Variants in PCF11 observed in about 807,000 individuals in gnomAD.
The protein encoded by PCF11 is pre-mRNA cleavage complex 2 protein Pcf11.
Under a neutral mutation model 166.1 loss-of-function variants are expected in PCF11, and 19 were observed. The observed-to-expected ratio is 0.11, with a 90% CI of 0.08 to 0.17. The LOEUF (loss-of-function observed/expected upper bound fraction) is 0.17. PCF11 is among the 10% of genes least tolerant of loss of function. PCF11 has a pLI of 1.00. For missense variants in PCF11, 1,565 were observed against 1,855.5 expected (o/e 0.84, Z 2.88); for synonymous variants, 663 against 644.1 (o/e 1.03, Z -0.44).
chr11:83,177,092 C>T, exon 10 of PCF11: 1 of 1,525,926 alleles, frequency 6.6e-7, no homozygotes, highest in South Asian at 1.3e-5. Flanking sequence ...TAGGAGCCCT[C>T]CCTAAGGCAT....
chr11:83,184,473 C>G, intron 15 of PCF11: 4 of 515,884 alleles, frequency 7.8e-6, no homozygotes, highest in Non-Finnish European at 1.3e-5. Flanking sequence ...AACTGCTTAA[C>G]TCACTGCTGA....
At chr11:83,168,001 ATTT>A in intron 7 of PCF11, 103 bp downstream of exon 7, 5 of 897,804 alleles carry the variant, frequency 5.6e-6, no homozygotes, top group Non-Finnish European at 7.4e-6. Flanking sequence ...TCAGATTACC[ATTT>A]TTTTTCCCAT....
rs777274124 is a variant in PCF11 at position 83,167,432 on chromosome 11, A to T, written c.2019A>T (p.Ala673=). ...CTATACAGACGAGTGAACGTTTAGC[A>T]TCTGGTGAAATTACACAGGATGACT... is the stretch of plus-strand genomic sequence containing the variant. Residue 673 remains alanine, a synonymous_variant, in exon 7 of 16, where the codon GCA becomes GCT. Transcript: ENST00000298281. The surrounding 1 kb of genome is among the most constrained non-coding windows in gnomAD (Gnocchi z 4.2). 2 of 1,601,134 alleles carry T rather than the reference A, an allele frequency of 1.2e-6. No individual in the cohort carries two copies. Among genetic ancestry groups the T allele is most frequent in the Non-Finnish European group, 1.7e-6 (2 of 1,175,646 alleles).
At chr11:83,160,922 G>T (rs1349835028) in intron 1 of PCF11, among the ~76,000 whole-genome samples, 1 of 152,136 alleles carries the variant, frequency 6.6e-6, no homozygotes, top group African/African-American at 2.4e-5. Context: ...TTCTACAAGA[G>T]GTCTAAAAAC....
chr11:83,173,630 T>C lies in PCF11; in HGVS notation c.3757+1716T>C, dbSNP rs1860767102. Among the ~76,000 whole-genome samples, 3 of 151,772 alleles carry C rather than the reference T, an allele frequency of 2.0e-5. No homozygotes were observed. In the South Asian group the frequency reaches 6.2e-4, roughly 32 times the overall value. ...GTATTTTCCTTTAGAACTCAGTTTT[T>C]ATTGTTGAGCAGAGGATTTGTTATA... On this transcript the variant is annotated intron_variant, in intron 9 of 15. Coordinates refer to ENST00000298281, the Ensembl canonical transcript of PCF11.
chr11:83,177,034 C>T, intron 9 of PCF11, 51 bp from the exon 10 acceptor site: 3 of 1,329,060 alleles, frequency 2.3e-6, no homozygotes, highest in Non-Finnish European at 2.9e-6. Context: ...TCTTTAAGTT[C>T]TACATTCACT....
At chr11:83,169,417 G>A (rs533403992) in exon 8 of PCF11, 2 of 1,613,790 alleles carry the variant, frequency 1.2e-6, no homozygotes, top group East Asian at 2.2e-5. Flanking sequence ...GGGTCAAGGT[G>A]GTCCAAGATT....
In PCF11 at chr11:83,161,463, A is replaced by C. The variant is rs778507277; in HGVS notation, c.318+11A>C. 4 of 1,533,016 alleles carry C rather than the reference A, an allele frequency of 2.6e-6. No homozygotes were observed. In the African/African-American group the frequency reaches 5.6e-5, roughly 22 times the overall value. The allele number at this position is 1,533,016 out of a possible 1,614,324, so 95.0% of individuals were successfully genotyped here. A position where few individuals can be genotyped will look rare whatever the true frequency, so the allele number is the denominator to read the frequency against. On this transcript the variant is annotated intron_variant, in intron 2 of 15. Coordinates refer to ENST00000298281, the Ensembl canonical transcript of PCF11. The stretch of plus-strand genomic sequence containing the variant: ...TGTGTGTTTGAAAAGGTACATATGC[A>C]TTTAGAAACATTTGCGTTTTTTTTT...
intron 11 of PCF11, 59 bp from the exon 12 acceptor site, chr11:83,180,949 C>T (rs1204554091): frequency 2.1e-6 from 2 of 947,072 alleles, no homozygotes; most frequent in Non-Finnish European, 3.1e-6. Context: ...TTGTAATTGG[C>T]TTTTAAAGGC....
At chr11:83,172,427 AT>A (rs1860720044) in intron 9 of PCF11, among the ~76,000 whole-genome samples, 1 of 151,868 alleles carries the variant, frequency 6.6e-6, no homozygotes, top group South Asian at 2.1e-4. Flanking sequence ...AGTTTTATTT[AT>A]TTATTTATTT....
At chr11:83,157,346 G>T in exon 1 of PCF11, 1 of 1,165,986 alleles carries the variant, frequency 8.6e-7, no homozygotes. Context: ...CCGCGAGAGA[G>T]CCGGGGAGAG....
chr11:83,169,122 G>A (rs1485263357), exon 8 of PCF11: 1 of 1,613,694 alleles, frequency 6.2e-7, no homozygotes, highest in South Asian at 1.1e-5. Flanking sequence ...CTGCGATTAG[G>A]TTTGATGGAC....
At chr11:83,183,118 A>G (rs1425209339) in intron 15 of PCF11, 45 bp downstream of exon 15, 1 of 1,165,748 alleles carries the variant, frequency 8.6e-7, no homozygotes, top group Non-Finnish European at 1.2e-6. Context: ...TTGCATTAAT[A>G]AATTTTACTT....
intron 9 of PCF11, among the ~76,000 whole-genome samples, chr11:83,176,677 G>A (rs983651288): frequency 6.9e-6 from 1 of 145,536 alleles, no homozygotes; most frequent in Non-Finnish European, 1.5e-5. Flanking sequence ...CACACACCAG[G>A]CACAGTCGGG....
chr11:83,181,243 T>G, intron 12 of PCF11, 52 bp downstream of exon 12: 1 of 664,804 alleles, frequency 1.5e-6, no homozygotes. Flanking sequence ...ATTATATCAT[T>G]CTAAAAGTAT....
chr11:83,163,363 A>G (rs900881811), intron 2 of PCF11, among the ~76,000 whole-genome samples: 26 of 152,112 alleles, frequency 1.7e-4, no homozygotes, highest in African/African-American at 6.3e-4. Context: ...TATATTTTCT[A>G]GTTGTCTTAC....
intron 1 of PCF11, among the ~76,000 whole-genome samples, chr11:83,160,373 G>T (rs890679303): frequency 2.3e-5 from 3 of 129,126 alleles, no homozygotes; most frequent in Non-Finnish European, 3.1e-5. Context: ...AATCATGGGT[G>T]CTCCTTTGGA....
rs1270027739 is a variant in PCF11, at chr11:83,157,724, AC to A, written c.192+94del. 1.2e-5 allele frequency: 14 copies of A among 1,180,278 alleles called. No individual in the cohort carries two copies. In the Middle Eastern group the frequency reaches 1.2e-3, roughly 97 times the overall value. The allele number at this position is 1,180,278 out of a possible 1,614,324, so 73.1% of individuals were successfully genotyped here. On this transcript the variant is annotated intron_variant, in intron 1 of 15. Transcript: ENST00000298281. ...AGGTCTCGCTTCCATCCCAAGGGGG[AC>A]AGTGTTCCTTCTCTCCAACCCCCCC...
At position 83,169,551 on chromosome 11, in the gene PCF11, T is replaced by G. The variant is rs1278669648; in HGVS notation, c.3216T>G (p.Pro1072=). The change falls in exon 8 of 16, where the codon CCT becomes CCG. Residue 1072 remains proline (P), a synonymous_variant. Coordinates refer to ENST00000298281, the Ensembl canonical transcript of PCF11. Reference sequence around the variant, plus strand: ...AAAGGACTCCTGGTCAGCCAGGCCCTCAGAGGTTTGATGGACCACCTGGAC... The same window carrying G: ...AAAGGACTCCTGGTCAGCCAGGCCCGCAGAGGTTTGATGGACCACCTGGAC... 3 of 1,613,874 alleles carry G rather than the reference T, an allele frequency of 1.9e-6. No individual in the cohort carries two copies. In the African/African-American group the frequency reaches 4.0e-5, roughly 22 times the overall value.
Sources: gnomAD v4.1 joint callset for allele counts (sites outside exome capture counted in the v4.1 genomes callset) on GRCh38, gnomAD v4.1.1 for gene constraint, Gnocchi (gnomAD v3.1) non-coding constraint, MANE v1.5 for transcripts, NCBI Gene and HGNC (gene_info 2026-07-23, HGNC 2026-07-21) for gene names.